Variants in GPS1 observed in about 807,000 individuals in gnomAD.
GPS1 encodes the protein COP9 signalosome complex subunit 1.
Under a neutral mutation model 60.0 loss-of-function variants are expected in GPS1, and 11 were observed. That is an observed-to-expected ratio of 0.18 (90% CI 0.12 to 0.30). The LOEUF is 0.30. Ranked by LOEUF, GPS1 falls within the 10% of genes least tolerant of loss-of-function variation. The pLI, the probability that GPS1 is intolerant of heterozygous loss-of-function variation, is 1.00. For missense variants in GPS1, 543 were observed against 669.2 expected (o/e 0.81, Z 2.08); for synonymous variants, 343 against 269.8 (o/e 1.27, Z -2.66).
intron 3 of GPS1, 29 bp from the exon 4 acceptor site, chr17:82,054,481 G>A (rs778184632): frequency 1.4e-5 from 21 of 1,470,334 alleles, no homozygotes; most frequent in Admixed American, 9.8e-5. Flanking sequence ...CGTGACCGCC[G>A]CCATCCTGAT....
At position 82,056,510 on chromosome 17, in the gene GPS1, G is replaced by C. The variant is rs778204362; in HGVS notation, c.1076G>C (p.Arg359Thr). Residue 359 changes from arginine to threonine, a missense_variant, in exon 10 of 13, where the codon AGG becomes ACG. Arg to Thr is a moderately conservative substitution (Grantham distance 71). Coordinates refer to ENST00000578552, the MANE Select transcript of GPS1 (RefSeq NM_001321092.3). ...LLDMYLAPHV[R>T]TLYTQIRNRA... ...GACATGTATCTGGCCCCCCATGTCAGGACCCTGTACACCCAGATTCGCAAC... is the reference window on the plus strand; with the variant it reads ...GACATGTATCTGGCCCCCCATGTCACGACCCTGTACACCCAGATTCGCAAC... 17 of 1,613,168 alleles carry C rather than the reference G, an allele frequency of 1.1e-5. No homozygotes were observed. The highest frequency in any genetic ancestry group is 1.4e-5 in the Non-Finnish European group (17 of 1,179,984).
In GPS1 at chr17:82,055,022, C is replaced by G. The variant is rs1329579481; in HGVS notation, c.687+47C>G. On this transcript the variant is annotated intron_variant, in intron 5 of 12. Coordinates refer to ENST00000578552, the MANE Select transcript of GPS1 (RefSeq NM_001321092.3). ...ACCTTGCCCCCAGGATTCCTGACCACTGCTGGCCCCTCCTGTCCTCCCCCA... is the reference window on the plus strand; with the variant it reads ...ACCTTGCCCCCAGGATTCCTGACCAGTGCTGGCCCCTCCTGTCCTCCCCCA... 4.4e-6 allele frequency: 7 copies of G among 1,608,608 alleles called. No individual in the cohort carries two copies. In the East Asian group the frequency reaches 8.9e-5, roughly 21 times the overall value.
upstream of GPS1, chr17:82,051,480 G>A: frequency 7.4e-7 from 1 of 1,355,300 alleles, no homozygotes; most frequent in Non-Finnish European, 9.5e-7. This position sits in a 1 kb window ranked among gnomAD's most constrained non-coding sequence, Gnocchi z 4.1. Flanking sequence ...GCTCGCCGTC[G>A]GGGTCGGGGT....
intron 3 of GPS1, 112 bp downstream of exon 3, chr17:82,054,161 G>A (rs567110243): frequency 4.6e-5 from 58 of 1,258,420 alleles, no homozygotes; most frequent in South Asian, 2.5e-4. Context: ...CTGGGAAGTC[G>A]GGCGGGTAGA....
chr17:82,051,418 C>CG, upstream of GPS1: 1 of 1,391,014 alleles, frequency 7.2e-7, no homozygotes, highest in Non-Finnish European at 9.3e-7. This position sits in a 1 kb window ranked among gnomAD's most constrained non-coding sequence, Gnocchi z 4.1. Flanking sequence ...GCGGAGCCTC[C>CG]GGGGGCCTGG....
At chr17:82,054,095 G>T in intron 3 of GPS1, 46 bp downstream of exon 3, 2 of 1,552,562 alleles carry the variant, frequency 1.3e-6, no homozygotes, top group South Asian at 1.2e-5. Context: ...CACCAAGGGA[G>T]CGCGGGTGTC....
At position 82,056,905 on chromosome 17, in the gene GPS1, G is replaced by A. The variant is rs1484977999; in HGVS notation, c.1320G>A (p.Lys440=). ...TTFEKSLLMG[K]EFQRRAKAMM... ...TTGAGAAGTCTCTGTTGATGGGCAA[G>A]GAGTTCCAGCGCCGCGCCAAGGCCA... Residue 440 remains lysine (K), a synonymous_variant, in exon 12 of 13, where the codon AAG becomes AAA. Coordinates refer to ENST00000578552, the MANE Select transcript of GPS1 (RefSeq NM_001321092.3). 4 of 1,612,990 alleles carry A rather than the reference G, an allele frequency of 2.5e-6. No homozygotes were observed. Among genetic ancestry groups the A allele is most frequent in the South Asian group, 1.1e-5 (1 of 91,090 alleles).
intron 11 of GPS1, 26 bp from the exon 12 acceptor site, chr17:82,056,814 G>A: frequency 6.2e-7 from 1 of 1,610,188 alleles, no homozygotes. Flanking sequence ...GTGAGCCTGG[G>A]CCCCGCTGAG....
rs753760397 is a variant in GPS1 at position 82,056,489 on chromosome 17, T to C, written c.1055T>C (p.Met352Thr). The C allele has an allele frequency of 3.1e-6, 5 of 1,613,150 alleles. No individual in the cohort carries two copies. Among genetic ancestry groups the C allele is most frequent in the Non-Finnish European group, 4.2e-6 (5 of 1,179,980 alleles). ...DEMKDNLLLD[M>T]YLAPHVRTLY... ...CCCCAGGACAACCTGCTCCTGGACA[T>C]GTATCTGGCCCCCCATGTCAGGACC... is the stretch of plus-strand genomic sequence containing the variant. The change falls in exon 10 of 13, where the codon ATG becomes ACG. Residue 352 changes from methionine to threonine, a missense_variant. This residue lies in a region of GPS1 where 291 missense variants were observed against 353.7 expected (regional missense o/e 0.82). Transcript: ENST00000578552.
intron 2 of GPS1, 35 bp from the exon 3 acceptor site, chr17:82,053,833 C>T (rs1290990199): frequency 4.4e-6 from 7 of 1,582,600 alleles, no homozygotes; most frequent in East Asian, 2.2e-5. Context: ...TCCTGCCTCC[C>T]ATCCTGCCTG....
At position 82,053,715 on chromosome 17, in the gene GPS1, G is replaced by C. The variant is rs537259933; in HGVS notation, c.127-153G>C. The C allele has an allele frequency of 3.1e-4, 228 of 733,824 alleles. 2 individuals are homozygous for C. Among genetic ancestry groups the C allele is most frequent in the South Asian group, 2.9e-3 (148 of 51,418 alleles). The allele number at this position is 733,824 out of a possible 1,614,324, so 45.5% of individuals were successfully genotyped here. ...AGCGGTCTTCGTAGCTCCTGGGACA[G>C]CAGTCAGTCTCGTACCCCCATGCCC... On this transcript the variant is annotated intron_variant, in intron 2 of 12. Transcript: ENST00000578552.
chr17:82,051,638 C>CGGGGCCGGGGCGG, upstream of GPS1: 2 of 815,650 alleles, frequency 2.5e-6, no homozygotes, highest in Non-Finnish European at 3.0e-6. This position sits in a 1 kb window ranked among gnomAD's most constrained non-coding sequence, Gnocchi z 4.1. Flanking sequence ...GGGGCGCGCG[C>CGGGGCCGGGGCGG]GGGGCCGGGG....
rs759218958 is a variant in GPS1, at chr17:82,054,036, T to A, written c.295T>A (p.Ser99Thr). ...DMYEEIHRKL[S>T]EATRELQNAP... is the part of the protein sequence containing the mutation. ...GTACGAGGAGATCCACCGCAAGCTC[T>A]CAGAGGCCACCAGGTGAGGCCAGGG... Residue 99 changes from serine to threonine, a missense_variant, in exon 3 of 13, where the codon TCA becomes ACA. Ser to Thr is a moderately conservative substitution (Grantham distance 58, BLOSUM62 1). This residue lies in a region of GPS1 where 181 missense variants were observed against 188.8 expected (regional missense o/e 0.96). Coordinates refer to ENST00000578552, the MANE Select transcript of GPS1 (RefSeq NM_001321092.3). The A allele has an allele frequency of 6.2e-7, 1 of 1,610,598 alleles. No individual in the cohort carries two copies. Among genetic ancestry groups the A allele is most frequent in the Non-Finnish European group, 8.5e-7 (1 of 1,178,584 alleles).
At position 82,055,155 on chromosome 17, in the gene GPS1, C is replaced by T. The variant is rs770427061; in HGVS notation, c.688-7C>T. 50 of 1,564,548 alleles carry T rather than the reference C, an allele frequency of 3.2e-5. No homozygotes were observed. The highest frequency in any genetic ancestry group is 4.0e-5 in the Non-Finnish European group (46 of 1,154,792). On this transcript the variant is annotated splice_region_variant and splice_polypyrimidine_tract_variant and intron_variant, in intron 5 of 12. Transcript: ENST00000578552. ...ATGGGCCTCACGCATGTGGCTTCCT[C>T]CTACAGCAGCGAGGAGAGCGTGACA... is the stretch of plus-strand genomic sequence containing the variant.
chr17:82,054,480 C>A, intron 3 of GPS1, 30 bp from the exon 4 acceptor site: 1 of 1,470,452 alleles, frequency 6.8e-7, no homozygotes, highest in Non-Finnish European at 9.0e-7. Context: ...CCGTGACCGC[C>A]GCCATCCTGA....
chr17:82,053,644 C>A (rs1397135618), intron 2 of GPS1: 2 of 563,644 alleles, frequency 3.5e-6, no homozygotes, highest in African/African-American at 3.8e-5. Flanking sequence ...CGAAAGCCCC[C>A]GGGTGCAGGG....
At chr17:82,051,157 G>T, upstream of GPS1, 1 of 1,309,064 alleles carries the variant, frequency 7.6e-7, no homozygotes, top group Non-Finnish European at 9.7e-7. The surrounding 1 kb of genome is among the most constrained non-coding windows in gnomAD (Gnocchi z 4.1). Flanking sequence ...GCGTGACCTG[G>T]GCAGCGTCGG....
In GPS1 at chr17:82,054,593, G is replaced by A. The variant is rs1035379619; in HGVS notation, c.392G>A (p.Arg131Gln). 11 of 1,604,344 alleles carry A rather than the reference G, an allele frequency of 6.9e-6. No individual in the cohort carries two copies. Among genetic ancestry groups the A allele is most frequent in the African/African-American group, 5.3e-5 (4 of 74,776 alleles). The change falls in exon 4 of 13, where the codon CGG (arginine) becomes CAG (glutamine). Residue 131 changes from arginine (R) to glutamine (Q), a missense_variant. By Grantham distance (43) the Arg-to-Gln change is conservative. Around this residue, in one of 3 missense-constraint regions of GPS1, gnomAD observed 181 missense variants for 188.8 expected, o/e 0.96. Coordinates refer to ENST00000578552, the MANE Select transcript of GPS1 (RefSeq NM_001321092.3). The part of the protein sequence containing the change: ...ALDTAWVEAT[R>Q]KKALLKLEKL... ...GACACGGCCTGGGTGGAGGCCACGC[G>A]GAAGAAGGCGCTGCTGAAGCTGGAG...
upstream of GPS1, chr17:82,051,176 C>T (rs1251683901): frequency 4.6e-6 from 6 of 1,300,584 alleles, no homozygotes; most frequent in African/African-American, 3.1e-5. The surrounding 1 kb of genome is among the most constrained non-coding windows in gnomAD (Gnocchi z 4.1). Context: ...GGGGCCTCCC[C>T]GGGCCTCGGG....
Sources: allele counts gnomAD v4.1 joint callset, GRCh38; gene constraint gnomAD v4.1.1; regional missense constraint gnomAD v4.1.1; non-coding constraint Gnocchi (gnomAD v3.1); transcripts MANE v1.5; gene names NCBI Gene and HGNC (gene_info 2026-07-23, HGNC 2026-07-21).